Variants in C10orf71 observed in about 807,000 individuals in gnomAD.
C10orf71 encodes the protein cardiac-enriched FHL2-interacting protein.
For missense variants in C10orf71, 1,869 were observed against 1,804.5 expected (o/e 1.04, Z -0.65); for synonymous variants, 758 against 726.3 (o/e 1.04, Z -0.70).
intron 1 of C10orf71, among the ~76,000 whole-genome samples, chr10:49,311,565 G>A (rs1241932006): frequency 6.6e-6 from 1 of 152,246 alleles, no homozygotes; most frequent in Non-Finnish European, 1.5e-5. Context: ...AACCAAGCCA[G>A]GGACCTCACA....
At position 49,326,713 on chromosome 10, in the gene C10orf71, G is replaced by C; in HGVS notation, c.4168G>C (p.Gly1390Arg). 6.4e-7 allele frequency: 1 copy of C among 1,551,132 alleles called. No homozygotes were observed. The highest frequency in any genetic ancestry group is 2.0e-5 in the Admixed American group (1 of 50,998). Residue 1390 changes from glycine (G) to arginine (R), a missense_variant, in exon 3 of 3, where the codon GGT becomes CGT. Physicochemically the swap from Gly to Arg is moderately radical, Grantham distance 125. Coordinates refer to ENST00000374144, the MANE Select transcript of C10orf71 (RefSeq NM_001135196.2). ...ACTACAGCTGGACCCAGGGCCTCAC[G>C]GTGACTGCACCCCGCACTCTGCAGG... The part of the protein sequence containing the change: ...SGLQLDPGPH[G>R]DCTPHSAGQR...
chr10:49,302,149 A>G (rs979896339), intron 1 of C10orf71, among the ~76,000 whole-genome samples: 1 of 152,184 alleles, frequency 6.6e-6, no homozygotes. Flanking sequence ...AAGCCTCTGA[A>G]GGAGTTTCTG....
Position 49,299,695 on chromosome 10 carries a change from G to A in C10orf71, c.-248+462G>A, listed in dbSNP as rs974164704. Reference sequence around the variant, plus strand: ...GTGTACATGTGTGACTTTGTCCTTAGGTGTCATCTGTCAGGGATCTCTGCT... The same window carrying A: ...GTGTACATGTGTGACTTTGTCCTTAAGTGTCATCTGTCAGGGATCTCTGCT... On this transcript the variant is annotated intron_variant, in intron 1 of 2. Coordinates refer to ENST00000374144, the MANE Select transcript of C10orf71 (RefSeq NM_001135196.2). Among the ~76,000 whole-genome samples, 5 of 152,208 alleles carry A rather than the reference G, an allele frequency of 3.3e-5. No individual in the cohort carries two copies. In the South Asian group the frequency reaches 1.0e-3, roughly 32 times the overall value.
rs1255973795 is a variant in C10orf71 at position 49,323,016 on chromosome 10, T to C, written c.471T>C (p.Arg157=). The C allele has an allele frequency of 8.1e-6, 13 of 1,613,892 alleles. No individual in the cohort carries two copies. The highest frequency in any genetic ancestry group is 1.1e-5 in the South Asian group (1 of 91,074). ...IKSFDRTESQ[R]CESRPTASKP... is the part of the protein sequence containing the mutation. ...CTTTCGACAGGACCGAGAGCCAACG[T>C]TGTGAGAGCAGGCCCACTGCCAGCA... Residue 157 remains arginine (R), a synonymous_variant, in exon 3 of 3, where the codon CGT becomes CGC. Transcript: ENST00000374144.
chr10:49,316,966 G>C (rs1379683136), intron 2 of C10orf71, among the ~76,000 whole-genome samples: 2 of 152,182 alleles, frequency 1.3e-5, no homozygotes, highest in Non-Finnish European at 2.9e-5. Context: ...ACTAATACGA[G>C]GGTGTGTTTA....
At chr10:49,319,937 A>G (rs559394527) in intron 2 of C10orf71, among the ~76,000 whole-genome samples, 1 of 152,152 alleles carries the variant, frequency 6.6e-6, no homozygotes, top group South Asian at 2.1e-4. Context: ...TCCTGGAGTC[A>G]TCAAATTCAT....
intron 2 of C10orf71, among the ~76,000 whole-genome samples, chr10:49,321,327 C>T (rs1315225684): frequency 3.9e-5 from 6 of 152,122 alleles, no homozygotes; most frequent in African/African-American, 9.7e-5. Flanking sequence ...TGTCTTTCTG[C>T]GACTGGGTTG....
In C10orf71 at chr10:49,323,852, A is replaced by G; in HGVS notation, c.1307A>G (p.His436Arg). Residue 436 changes from histidine to arginine, a missense_variant, in exon 3 of 3, where the codon CAT (histidine) becomes CGT (arginine). Coordinates refer to ENST00000374144, the MANE Select transcript of C10orf71 (RefSeq NM_001135196.2). ...GACCTGCCTGTGGAACCCAATGAAC[A>G]TTATGATCCCCCCTTTAACATCAGT... Reference protein sequence around the residue: ...ALDLPVEPNEHYDPPFNISKL... With the variant: ...ALDLPVEPNERYDPPFNISKL... 6.2e-7 allele frequency: 1 copy of G among 1,613,890 alleles called. No homozygotes were observed. Among genetic ancestry groups the G allele is most frequent in the Non-Finnish European group, 8.5e-7 (1 of 1,179,870 alleles).
chr10:49,305,056 A>C (rs1486574359), intron 1 of C10orf71, among the ~76,000 whole-genome samples: 1 of 152,214 alleles, frequency 6.6e-6, no homozygotes, highest in Non-Finnish European at 1.5e-5. Context: ...TGCCCCAGTA[A>C]GTAAGGGCCA....
chr10:49,321,143 C>T (rs1253117345), intron 2 of C10orf71, among the ~76,000 whole-genome samples: 1 of 152,038 alleles, frequency 6.6e-6, no homozygotes, highest in Non-Finnish European at 1.5e-5. Context: ...CTACAGACAC[C>T]TGCTGTACAT....
Position 49,326,298 on chromosome 10 carries a change from G to A in C10orf71, c.3753G>A (p.Ser1251=), listed in dbSNP as rs1329888042. The change falls in exon 3 of 3, where the codon TCG becomes TCA. Residue 1251 remains serine (S), a synonymous_variant. Coordinates refer to ENST00000374144, the MANE Select transcript of C10orf71 (RefSeq NM_001135196.2). Reference sequence around the variant, plus strand: ...ACCGCCACTCCGTGTCCGGCTTCTCGGAGCCTGTCGGGAGGCGGCCCGGGG... The same window carrying A: ...ACCGCCACTCCGTGTCCGGCTTCTCAGAGCCTGTCGGGAGGCGGCCCGGGG... ...PVHRHSVSGF[S]EPVGRRPGGP... is the part of the protein sequence containing the mutation. 8 of 1,549,776 alleles carry A rather than the reference G, an allele frequency of 5.2e-6. No individual in the cohort carries two copies. The South Asian group carries it at 9.5e-5, about 18-fold the overall frequency.
intron 2 of C10orf71, among the ~76,000 whole-genome samples, chr10:49,318,555 C>T (rs1442167470): frequency 1.3e-5 from 2 of 152,236 alleles, no homozygotes; most frequent in African/African-American, 4.8e-5. Context: ...CAGGTCCCAT[C>T]CTTTCTCCAG....
rs776522292 is a variant in C10orf71 at position 49,323,547 on chromosome 10, A to T, written c.1002A>T (p.Glu334Asp). The T allele has an allele frequency of 6.0e-5, 96 of 1,609,608 alleles. No homozygotes were observed. The highest frequency in any genetic ancestry group is 8.0e-5 in the Non-Finnish European group (94 of 1,177,250). Residue 334 changes from glutamate to aspartate, a missense_variant, in exon 3 of 3, where the codon GAA becomes GAT. Glu to Asp is a conservative substitution (Grantham distance 45). Transcript: ENST00000374144. ...PCQVQASCSQ[E>D]ENRLAAGALS... is the part of the protein sequence containing the mutation. ...AGGTCCAGGCCAGCTGCAGTCAGGA[A>T]GAGAACAGACTTGCAGCAGGGGCTC...
At chr10:49,315,023 C>T (rs1158101049) in intron 1 of C10orf71, among the ~76,000 whole-genome samples, 1 of 152,096 alleles carries the variant, frequency 6.6e-6, no homozygotes, top group East Asian at 1.9e-4. Flanking sequence ...ACATATGGGT[C>T]ACGATGTATG....
chr10:49,326,554 G>A lies in C10orf71; in HGVS notation c.4009G>A (p.Gly1337Ser), dbSNP rs10857472. 660,823 of 1,550,296 alleles carry A rather than the reference G, an allele frequency of 0.43. 144,654 individuals carry two copies. The highest frequency in any genetic ancestry group is 0.45 in the South Asian group (37,875 of 84,036). ...ALAAPYVLYP[G>S]FQPVPVTALM... The stretch of plus-strand genomic sequence containing the variant: ...GGCCGCTCCCTATGTGCTGTACCCC[G>A]GCTTCCAGCCAGTGCCCGTGACGGC... The change falls in exon 3 of 3, where the codon GGC becomes AGC. Residue 1337 changes from glycine (G) to serine (S), a missense_variant. Gly to Ser is a moderately conservative substitution (Grantham distance 56). Coordinates refer to ENST00000374144, the MANE Select transcript of C10orf71 (RefSeq NM_001135196.2).
rs1378794478 is a variant in C10orf71, at chr10:49,324,653, C to T, written c.2108C>T (p.Ser703Phe). 3 of 1,613,476 alleles carry T rather than the reference C, an allele frequency of 1.9e-6. No individual in the cohort carries two copies. The highest frequency in any genetic ancestry group is 2.2e-5 in the East Asian group (1 of 44,876). Reference sequence around the variant, plus strand: ...CAGAAATTCTTCCCAGGGCCCCTCTCTCCTGAGGAGGAAGATGTGTTTTAC... The same window carrying T: ...CAGAAATTCTTCCCAGGGCCCCTCTTTCCTGAGGAGGAAGATGTGTTTTAC... ...LNQKFFPGPL[S>F]PEEEDVFYSD... Residue 703 changes from serine (S) to phenylalanine (F), a missense_variant, in exon 3 of 3, where the codon TCT becomes TTT. Physicochemically the swap from Ser to Phe is radical, Grantham distance 155 (BLOSUM62 -2). Coordinates refer to ENST00000374144, the MANE Select transcript of C10orf71 (RefSeq NM_001135196.2).
chr10:49,298,364 A>G (rs1590317870), upstream of C10orf71, among the ~76,000 whole-genome samples: 1 of 152,226 alleles, frequency 6.6e-6, no homozygotes, highest in South Asian at 2.1e-4. Context: ...CCACTCTTGC[A>G]TTAAATCCTG....
At chr10:49,322,338 C>T in intron 2 of C10orf71, 64 bp from the exon 3 acceptor site, 2 of 541,532 alleles carry the variant, frequency 3.7e-6, no homozygotes, top group Non-Finnish European at 3.1e-6. Flanking sequence ...TCCACCTGAA[C>T]CAGCACATAT....
intron 2 of C10orf71, among the ~76,000 whole-genome samples, chr10:49,319,731 T>TACAC: frequency 8.4e-6 from 1 of 119,114 alleles, no homozygotes; most frequent in East Asian, 2.7e-4. Flanking sequence ...TATATATATA[T>TACAC]ATACACATAC....
Sources: allele counts gnomAD v4.1 joint callset (sites outside exome capture counted in the v4.1 genomes callset), GRCh38; gene constraint gnomAD v4.1.1; transcripts MANE v1.5; gene names NCBI Gene and HGNC (gene_info 2026-07-23, HGNC 2026-07-21).